Variants in CNTNAP2 observed in about 807,000 individuals in gnomAD.
The protein encoded by CNTNAP2 is contactin associated protein 2.
In CNTNAP2, 98 loss-of-function variants were observed where a neutral mutation model predicts 155.2. The observed-to-expected ratio is 0.63, with a 90% confidence interval of 0.54 to 0.75. The LOEUF is 0.75. CNTNAP2 is among the 30% of genes least tolerant of loss of function. The pLI, the probability that CNTNAP2 is intolerant of heterozygous loss-of-function variation, is 0.00. For missense variants in CNTNAP2, 1,727 were observed against 1,688.1 expected (o/e 1.02, Z -0.40); for synonymous variants, 651 against 631.2 (o/e 1.03, Z -0.47).
rs1442151935 is a variant in CNTNAP2, at chr7:147,805,078, T to A, written c.2099-98487T>A. On this transcript the variant is annotated intron_variant, in intron 13 of 23. Transcript: ENST00000361727. ...AAATGACAAATGATTCAATATCATT[T>A]TTTTTTTTTTGAGACGGAGCCTGAG... Among the ~76,000 whole-genome samples, 3 of 152,042 alleles carry A rather than the reference T, an allele frequency of 2.0e-5. No homozygotes were observed. In the East Asian group the frequency reaches 5.8e-4, roughly 29 times the overall value.
chr7:147,630,316 TA>T (rs71183024), intron 12 of CNTNAP2, among the ~76,000 whole-genome samples: 3,144 of 72,968 alleles, frequency 0.043, 32 homozygotes, highest in Middle Eastern at 0.083. Context: ...GAAACAGTAG[TA>T]AAAAAAAAAA....
intron 13 of CNTNAP2, among the ~76,000 whole-genome samples, chr7:147,893,076 T>A (rs1342160047): frequency 2.6e-5 from 4 of 152,232 alleles, no homozygotes; most frequent in Non-Finnish European, 5.9e-5. Context: ...TGACTCATTC[T>A]TTGTTTGGCT....
chr7:148,126,782 G>A (rs1022447663), intron 16 of CNTNAP2, among the ~76,000 whole-genome samples: 3 of 152,218 alleles, frequency 2.0e-5, no homozygotes, highest in Middle Eastern at 3.4e-3. Context: ...ACGCGAAGCC[G>A]TTTGAAGACT....
chr7:147,197,825 A>G (rs1802836453), intron 8 of CNTNAP2, among the ~76,000 whole-genome samples: 1 of 152,198 alleles, frequency 6.6e-6, no homozygotes, highest in African/African-American at 2.4e-5. Context: ...GTTTTCTAAG[A>G]TGTTGAGGTA....
At chr7:148,399,068 C>T (rs957430518) in intron 22 of CNTNAP2, among the ~76,000 whole-genome samples, 4 of 152,178 alleles carry the variant, frequency 2.6e-5, no homozygotes, top group African/African-American at 9.7e-5. Flanking sequence ...AGCTGAGACT[C>T]CTGTATAGCA....
At chr7:146,972,571 G>A (rs1268958100) in intron 3 of CNTNAP2, among the ~76,000 whole-genome samples, 3 of 152,122 alleles carry the variant, frequency 2.0e-5, no homozygotes, top group Admixed American at 6.5e-5. Context: ...CAATAATGAT[G>A]TAACAAATTT....
intron 21 of CNTNAP2, among the ~76,000 whole-genome samples, chr7:148,311,129 T>G (rs943698486): frequency 6.7e-6 from 1 of 149,904 alleles, no homozygotes; most frequent in Non-Finnish European, 1.5e-5. Flanking sequence ...GAAAGGTTTT[T>G]CAAGTAAGTG....
intron 1 of CNTNAP2, among the ~76,000 whole-genome samples, chr7:146,658,982 C>A (rs1444120669): frequency 6.6e-6 from 1 of 152,180 alleles, no homozygotes; most frequent in Admixed American, 6.5e-5. Flanking sequence ...ACCTCCCCTG[C>A]AGCTACTGGA....
At chr7:146,939,146 A>C in intron 3 of CNTNAP2, among the ~76,000 whole-genome samples, 1 of 152,180 alleles carries the variant, frequency 6.6e-6, no homozygotes, top group East Asian at 1.9e-4. Flanking sequence ...GATCAACTGT[A>C]AATCTACCCC....
intron 1 of CNTNAP2, among the ~76,000 whole-genome samples, chr7:146,230,851 C>T (rs1484684403): frequency 6.6e-6 from 1 of 151,952 alleles, no homozygotes; most frequent in East Asian, 1.9e-4. Context: ...CCTGTCTCTA[C>T]TAACAATACA....
At chr7:146,378,913 G>T (rs1795342810) in intron 1 of CNTNAP2, among the ~76,000 whole-genome samples, 1 of 152,194 alleles carries the variant, frequency 6.6e-6, no homozygotes. Flanking sequence ...AAAGCAGAGA[G>T]ACAGAGATAA....
intron 1 of CNTNAP2, among the ~76,000 whole-genome samples, chr7:146,166,194 G>T (rs1279329460): frequency 6.6e-6 from 1 of 151,898 alleles, no homozygotes; most frequent in Admixed American, 6.6e-5. Flanking sequence ...CTTGTGTTCA[G>T]GCGATTCTCC....
intron 1 of CNTNAP2, among the ~76,000 whole-genome samples, chr7:146,495,690 C>A (rs903027319): frequency 6.6e-6 from 1 of 151,248 alleles, no homozygotes; most frequent in Non-Finnish European, 1.5e-5. Context: ...TGAATAGTAA[C>A]CTTAAATTTT....
At chr7:147,539,434 A>C (rs866512838) in intron 11 of CNTNAP2, among the ~76,000 whole-genome samples, 1 of 152,138 alleles carries the variant, frequency 6.6e-6, no homozygotes, top group African/African-American at 2.4e-5. Context: ...GAGCCAAACT[A>C]TTTTGGCTTC....
intron 20 of CNTNAP2, among the ~76,000 whole-genome samples, chr7:148,237,905 G>A (rs1270137545): frequency 6.6e-6 from 1 of 152,138 alleles, no homozygotes; most frequent in Non-Finnish European, 1.5e-5. Flanking sequence ...AAAAATCTCT[G>A]TAGACTTGAG....
At chr7:146,464,187 GTTTT>G (rs369508603) in intron 1 of CNTNAP2, among the ~76,000 whole-genome samples, 28 of 91,556 alleles carry the variant, frequency 3.1e-4, no homozygotes, top group African/African-American at 4.8e-4. Context: ...CTTTGAAACT[GTTTT>G]TTTTTTTTTT....
intron 14 of CNTNAP2, among the ~76,000 whole-genome samples, chr7:147,962,832 CA>C (rs1168080701): frequency 6.6e-6 from 1 of 152,098 alleles, no homozygotes; most frequent in South Asian, 2.1e-4. Context: ...GCCCAACATA[CA>C]AAGAGGACAT....
chr7:147,361,825 A>G (rs957921716), intron 9 of CNTNAP2, among the ~76,000 whole-genome samples: 11 of 152,150 alleles, frequency 7.2e-5, no homozygotes, highest in African/African-American at 2.7e-4. Flanking sequence ...TTTATTTTTA[A>G]CAATGACATA....
intron 8 of CNTNAP2, among the ~76,000 whole-genome samples, chr7:147,135,132 AT>A (rs1400450633): frequency 1.3e-5 from 2 of 151,926 alleles, no homozygotes; most frequent in Admixed American, 6.6e-5. Flanking sequence ...TATTAAATAC[AT>A]CTTACAAGTA....
Sources: gnomAD v4.1 joint callset for allele counts (sites outside exome capture counted in the v4.1 genomes callset) on GRCh38, gnomAD v4.1.1 for gene constraint, MANE v1.5 for transcripts, NCBI Gene and HGNC (gene_info 2026-07-23, HGNC 2026-07-21) for gene names.